The following PTPRS variants were observed in gnomAD, a reference collection of about 807,000 sequenced individuals.
The protein encoded by PTPRS is receptor-type tyrosine-protein phosphatase S.
PTPRS carries 63 observed loss-of-function variants against 215.3 expected under a neutral mutation model. That is an observed-to-expected ratio of 0.29 (90% CI 0.24 to 0.36). The LOEUF (loss-of-function observed/expected upper bound fraction) is 0.36, where lower values mean the gene tolerates loss of function less well. PTPRS is among the 10% of genes least tolerant of loss of function. The pLI is 1.00. For synonymous variants in PTPRS, 1,404 were observed against 1,191.4 expected (o/e 1.18, Z -3.68); for missense variants, 2,258 against 2,825.8 (o/e 0.80, Z 4.56).
At chr19:5,315,371 T>TG (rs2049841805) in intron 1 of PTPRS, among the ~76,000 whole-genome samples, 4 of 120,152 alleles carry the variant, frequency 3.3e-5, no homozygotes, top group African/African-American at 1.4e-4. Context: ...TTTTTTTTTT[T>TG]TTTTTTTTTT....
chr19:5,222,259 G>T (rs1270606766), intron 18 of PTPRS, 39 bp from the exon 19 acceptor site: 1 of 1,536,830 alleles, frequency 6.5e-7, no homozygotes, highest in Admixed American at 1.7e-5. Context: ...GAGCAGAAGA[G>T]AGGCCCCATG....
chr19:5,281,848 A>G (rs1017093), intron 2 of PTPRS, among the ~76,000 whole-genome samples: 141,720 of 152,242 alleles, frequency 0.93, 66,168 homozygotes, highest in African/African-American at 0.98. Flanking sequence ...CCAATCCAGC[A>G]AGCAAGACCG....
Position 5,222,700 on chromosome 19 carries a change from A to T in PTPRS, c.3092T>A (p.Leu1031Gln). ...FSPPVRYRTF[L>Q]RDQVSPKNFK... ...CGCCGCGCGCCTACCTTGGTCCCGC[A>T]GGAACGTCCGGTAGCGGACGGGGGG... The change falls in exon 18 of 38, where the codon CTG (leucine) becomes CAG (glutamine). Residue 1031 changes from leucine to glutamine, a missense_variant. Physicochemically the swap from Leu to Gln is moderately radical, Grantham distance 113 (BLOSUM62 -2). Around this residue, in one of 6 missense-constraint regions of PTPRS, gnomAD observed 361 missense variants for 332.6 expected, o/e 1.09. Coordinates refer to ENST00000262963, the MANE Select transcript of PTPRS (RefSeq NM_002850.4). 6.3e-7 allele frequency: 1 copy of T among 1,587,302 alleles called. No individual in the cohort carries two copies. Among genetic ancestry groups the T allele is most frequent in the Non-Finnish European group, 8.5e-7 (1 of 1,172,852 alleles).
intron 37 of PTPRS, among the ~76,000 whole-genome samples, 170 bp downstream of exon 37, chr19:5,207,752 T>A (rs1272911270): frequency 6.6e-6 from 1 of 152,154 alleles, no homozygotes; most frequent in Non-Finnish European, 1.5e-5. Context: ...ACTGTTGTGT[T>A]AAAAGGGTTA....
intron 1 of PTPRS, among the ~76,000 whole-genome samples, chr19:5,307,461 G>A (rs569975066): frequency 5.3e-5 from 8 of 152,200 alleles, no homozygotes; most frequent in East Asian, 1.9e-4. Flanking sequence ...GAAAAGGAAT[G>A]AGAATACCAG....
intron 12 of PTPRS, among the ~76,000 whole-genome samples, 175 bp from the exon 13 acceptor site, chr19:5,239,238 GGAGAGAGGTAGAGGGGA>G (rs775705700): frequency 6.7e-6 from 1 of 149,968 alleles, no homozygotes; most frequent in African/African-American, 2.5e-5. Flanking sequence ...GAGGGATGAG[GGAGAGAGGTAGAGGGGA>G]GAGAGAGGTA....
intron 8 of PTPRS, 97 bp from the exon 9 acceptor site, chr19:5,256,216 G>A: frequency 1.1e-6 from 1 of 948,236 alleles, no homozygotes; most frequent in East Asian, 3.0e-5. Flanking sequence ...GACTTCCCAA[G>A]GCTAAAAGCT....
chr19:5,311,334 G>C (rs959415416), intron 1 of PTPRS, among the ~76,000 whole-genome samples: 2 of 152,086 alleles, frequency 1.3e-5, no homozygotes, highest in African/African-American at 2.4e-5. Flanking sequence ...TCCTTCTGAT[G>C]CATTCCACGA....
chr19:5,225,723 A>G lies in PTPRS; in HGVS notation c.2494+4T>C. The G allele has an allele frequency of 6.2e-7, 1 of 1,613,144 alleles. No homozygotes were observed. The highest frequency in any genetic ancestry group is 1.1e-5 in the South Asian group (1 of 91,066). ...GGTGGGTGGGAGGAGGGCGGGTTGC[A>G]TACCTGCTCCCTTGGTCACAACCAC... On this transcript the variant is annotated splice_donor_region_variant and intron_variant, in intron 17 of 37. Coordinates refer to ENST00000262963, the MANE Select transcript of PTPRS (RefSeq NM_002850.4).
chr19:5,302,079 G>GC (rs57751163), intron 1 of PTPRS, among the ~76,000 whole-genome samples: 1 of 151,956 alleles, frequency 6.6e-6, no homozygotes, highest in Non-Finnish European at 1.5e-5. Flanking sequence ...ACCACACTTG[G>GC]CCCCCCGATT....
rs372653568 is a variant in PTPRS, at chr19:5,286,188, G to A, written c.-48C>T. On this transcript the variant is annotated 5_prime_UTR_variant, in exon 2 of 38. Transcript: ENST00000262963. ...CCGCCCTGGAGGGGGATGGCCCCCC[G>A]GTCCCTCACAGAGAGGCCTCGAGCC... is the stretch of plus-strand genomic sequence containing the variant. The A allele has an allele frequency of 6.3e-6, 10 of 1,599,264 alleles. No individual in the cohort carries two copies. Among genetic ancestry groups the A allele is most frequent in the Admixed American group, 3.5e-5 (2 of 57,894 alleles).
At chr19:5,214,320 A>C (rs1262968989) in intron 30 of PTPRS, 41 bp downstream of exon 30, 1 of 1,613,400 alleles carries the variant, frequency 6.2e-7, no homozygotes, top group Admixed American at 1.7e-5. Context: ...CTTCCAACAC[A>C]TTCCTCCACC....
At chr19:5,231,728 A>T in intron 13 of PTPRS, 113 bp from the exon 14 acceptor site, 1 of 525,078 alleles carries the variant, frequency 1.9e-6, no homozygotes. Flanking sequence ...GATGATAACA[A>T]ACAAAACAGA....
chr19:5,328,561 ACGGATATTCAT>A (rs1460523567), intron 1 of PTPRS, among the ~76,000 whole-genome samples: 1 of 152,100 alleles, frequency 6.6e-6, no homozygotes, highest in Non-Finnish European at 1.5e-5. Context: ...GCCAGACACT[ACGGATATTCAT>A]CAGCTCAGAG....
rs370397015 is a variant in PTPRS, at chr19:5,223,070, G to T, written c.2722C>A (p.Arg908=). 2.6e-6 allele frequency: 4 copies of T among 1,555,488 alleles called. No homozygotes were observed. The South Asian group carries it at 3.5e-5, about 14-fold the overall frequency. ...GATYVFRLAA[R]SRGGLGEEAA... ...TCCTCGCCCAGGCCGCCGCGGCTCC[G>T]GGCCGCAAGCCGGAACACATACGTG... Residue 908 remains arginine, a synonymous_variant, in exon 18 of 38, where the codon CGG becomes AGG. Transcript: ENST00000262963.
chr19:5,286,776 C>T (rs139836675), intron 1 of PTPRS, among the ~76,000 whole-genome samples: 3 of 152,188 alleles, frequency 2.0e-5, no homozygotes, highest in African/African-American at 7.2e-5. Context: ...CCTCCAACCA[C>T]CAGCTAAACC....
intron 6 of PTPRS, 75 bp from the exon 7 acceptor site, chr19:5,260,897 T>A: frequency 6.5e-7 from 1 of 1,547,638 alleles, no homozygotes; most frequent in Non-Finnish European, 8.9e-7. Flanking sequence ...CCAGGGAAGC[T>A]GGGCTGGGCC....
In PTPRS at chr19:5,287,570, G is replaced by GC. The variant is rs2048447835; in HGVS notation, c.-94-1337dup. ...CCTAGTCAGGCTGGCACCCATGCCA[G>GC]CCCATGCCCTGGGCGGGTCCAGGCC... On this transcript the variant is annotated intron_variant, in intron 1 of 37. Coordinates refer to ENST00000262963, the MANE Select transcript of PTPRS (RefSeq NM_002850.4). This position sits in a 1 kb window ranked among gnomAD's most constrained non-coding sequence, Gnocchi z 4.8. Among the ~76,000 whole-genome samples, 1 of 152,182 alleles carries GC rather than the reference G, an allele frequency of 6.6e-6. No individual in the cohort carries two copies. The highest frequency in any genetic ancestry group is 2.4e-5 in the African/African-American group (1 of 41,450).
rs1380920151 is a variant in PTPRS at position 5,206,197 on chromosome 19, A to AAGTT, written c.*573_*576dup. Among the ~76,000 whole-genome samples, 4 of 151,842 alleles carry AAGTT rather than the reference A, an allele frequency of 2.6e-5. No homozygotes were observed. The highest frequency in any genetic ancestry group is 9.7e-5 in the African/African-American group (4 of 41,350). On this transcript the variant is annotated 3_prime_UTR_variant, in exon 38 of 38. Coordinates refer to ENST00000262963, the MANE Select transcript of PTPRS (RefSeq NM_002850.4). ...CTTTGAACAGAATATGAATAAGCCAAAGTTAGTTCTCTTTGAAAGTCATTG... is the reference window on the plus strand; with the variant it reads ...CTTTGAACAGAATATGAATAAGCCAAAGTTAGTTAGTTCTCTTTGAAAGTCATTG...
Sources: gnomAD v4.1 joint callset for allele counts (sites outside exome capture counted in the v4.1 genomes callset) on GRCh38, gnomAD v4.1.1 for gene constraint, gnomAD v4.1.1 regional missense constraint, Gnocchi (gnomAD v3.1) non-coding constraint, MANE v1.5 for transcripts, NCBI Gene and HGNC (gene_info 2026-07-23, HGNC 2026-07-21) for gene names.